Variants in GALR1 observed in about 807,000 individuals in gnomAD.
GALR1 encodes the protein galanin receptor 1.
In GALR1, 11 loss-of-function variants were observed where a neutral mutation model predicts 17.9. The observed-to-expected ratio is 0.62, with a 90% CI of 0.39 to 1.02. GALR1 has a LOEUF of 1.02. Ranked by LOEUF, GALR1 falls within the 50% of genes least tolerant of loss-of-function variation. The probability of loss-of-function intolerance (pLI) is 0.01; values close to 1 mark genes in which losing one functional copy is unlikely to be tolerated. For synonymous variants in GALR1, 206 were observed against 205.7 expected (o/e 1.00, Z -0.01); for missense variants, 441 against 456.9 (o/e 0.97, Z 0.32).
Position 77,276,114 on chromosome 18 carries a change from C to A in GALR1, c.*7212C>A, listed in dbSNP as rs1913153324. On this transcript the variant is annotated 3_prime_UTR_variant, in exon 3 of 3. Transcript: ENST00000299727. ...ATGTTAGTTTTCATATTTTGGTTTTCTAAGAGTCACATTTTATTGCCATAT... is the reference window on the plus strand; with the variant it reads ...ATGTTAGTTTTCATATTTTGGTTTTATAAGAGTCACATTTTATTGCCATAT... 6.6e-6 allele frequency: 1 copy of A among 152,126 alleles called. No homozygotes were observed. Among genetic ancestry groups the A allele is most frequent in the Non-Finnish European group, 1.5e-5 (1 of 68,028 alleles). 9.4% of individuals were successfully genotyped at this position (152,126 alleles called of 1,614,324 possible). A position where few individuals can be genotyped will look rare whatever the true frequency, so the allele number is the denominator to read the frequency against.
chr18:77,250,448 T>C lies in GALR1; in HGVS notation c.-101T>C. ...GAAGCTCAGACTCCTAAACTCGCACTCTCCGTGCTTTGCGCCGGGACCCCT... is the reference window on the plus strand; with the variant it reads ...GAAGCTCAGACTCCTAAACTCGCACCCTCCGTGCTTTGCGCCGGGACCCCT... On this transcript the variant is annotated 5_prime_UTR_variant, in exon 1 of 3. Coordinates refer to ENST00000299727, the MANE Select transcript of GALR1 (RefSeq NM_001480.4). The C allele has an allele frequency of 1.6e-6, 2 of 1,253,272 alleles. No homozygotes were observed. The highest frequency in any genetic ancestry group is 2.1e-6 in the Non-Finnish European group (2 of 956,160). The allele number at this position is 1,253,272 out of a possible 1,614,324, so 77.6% of individuals were successfully genotyped here. A position where few individuals can be genotyped will look rare whatever the true frequency, so the allele number is the denominator to read the frequency against.
In GALR1 at chr18:77,272,734, A is replaced by AACAGG. The variant is rs1599367616; in HGVS notation, c.*3832_*3833insACAGG. The stretch of plus-strand genomic sequence containing the variant: ...CAAGTAGATGTTAATGACTTGTTTA[A>AACAGG]TTATTGACTTACTTATTTTAAAAGC... On this transcript the variant is annotated 3_prime_UTR_variant, in exon 3 of 3. Transcript: ENST00000299727. The AACAGG allele has an allele frequency of 6.6e-6, 1 of 152,250 alleles. No homozygotes were observed. The highest frequency in any genetic ancestry group is 1.9e-4 in the East Asian group (1 of 5,206). The allele number at this position is 152,250 out of a possible 1,614,324, so 9.4% of individuals were successfully genotyped here.
chr18:77,251,564 C>T (rs910401620), intron 1 of GALR1, among the ~76,000 whole-genome samples: 5 of 152,242 alleles, frequency 3.3e-5, no homozygotes, highest in African/African-American at 1.2e-4. Flanking sequence ...GCGGGCGCTG[C>T]CGCATCCTTC....
chr18:77,250,462 G>C lies in GALR1; in HGVS notation c.-87G>C, dbSNP rs988021625. ...TAAACTCGCACTCTCCGTGCTTTGCGCCGGGACCCCTGGCCACCCCCGGCG... is the reference window on the plus strand; with the variant it reads ...TAAACTCGCACTCTCCGTGCTTTGCCCCGGGACCCCTGGCCACCCCCGGCG... On this transcript the variant is annotated 5_prime_UTR_variant, in exon 1 of 3. Coordinates refer to ENST00000299727, the MANE Select transcript of GALR1 (RefSeq NM_001480.4). 1 of 1,336,294 alleles carries C rather than the reference G, an allele frequency of 7.5e-7. No individual in the cohort carries two copies. The highest frequency in any genetic ancestry group is 9.7e-7 in the Non-Finnish European group (1 of 1,030,912). The allele number at this position is 1,336,294 out of a possible 1,614,324, so 82.8% of individuals were successfully genotyped here.
intron 1 of GALR1, among the ~76,000 whole-genome samples, chr18:77,252,638 G>A (rs1944546): frequency 0.72 from 109,764 of 151,864 alleles, 39,835 homozygotes; most frequent in Admixed American, 0.77. Flanking sequence ...ACCTGAGGTC[G>A]GGAATTCGAG....
At position 77,268,535 on chromosome 18, in the gene GALR1, C is replaced by T. The variant is rs757384003; in HGVS notation, c.733-50C>T. The T allele has an allele frequency of 6.2e-6, 8 of 1,290,972 alleles. 1 individual carries two copies. In the East Asian group the frequency reaches 1.2e-4, roughly 19 times the overall value. 80.0% of individuals were successfully genotyped at this position (1,290,972 alleles called of 1,614,324 possible). A position where few individuals can be genotyped will look rare whatever the true frequency, so the allele number is the denominator to read the frequency against. On this transcript the variant is annotated intron_variant, in intron 2 of 2. Transcript: ENST00000299727. ...ATGAATTTCCTTCCTTCTTCTTCTC[C>T]CTTACCGCCTCCTCCTCCTCCTCCT...
intron 2 of GALR1, among the ~76,000 whole-genome samples, chr18:77,258,815 G>T (rs1159319743): frequency 1.9e-5 from 2 of 102,614 alleles, no homozygotes; most frequent in Non-Finnish European, 4.1e-5. Flanking sequence ...GGTGGTCATA[G>T]TGGTGGTGGT....
rs191313549 is a variant in GALR1 at position 77,267,464 on chromosome 18, G to A, written c.733-1121G>A. 1.9e-3 allele frequency among the ~76,000 whole-genome samples: 288 copies of A among 152,292 alleles called. 2 individuals carry two copies. The highest frequency in any genetic ancestry group is 4.4e-3 in the African/African-American group (181 of 41,542). On this transcript the variant is annotated intron_variant, in intron 2 of 2. Transcript: ENST00000299727. ...ATGACAGCATCTGCTTCATAGAGTC[G>A]TAAAGGACATTCGGTGAAATAATGC...
At chr18:77,251,892 C>T (rs1230408597) in intron 1 of GALR1, among the ~76,000 whole-genome samples, 1 of 152,244 alleles carries the variant, frequency 6.6e-6, no homozygotes, top group African/African-American at 2.4e-5. Context: ...TGAAGCTTAG[C>T]TTTGTAAACC....
rs751752274 is a variant in GALR1 at position 77,250,959 on chromosome 18, C to T, written c.411C>T (p.Ile137=). The T allele has an allele frequency of 4.4e-5, 71 of 1,604,004 alleles. No homozygotes were observed. In the Middle Eastern group the frequency reaches 4.9e-4, roughly 11 times the overall value. Residue 137 remains isoleucine (I), a synonymous_variant, in exon 1 of 3, where the codon ATC becomes ATT. Transcript: ENST00000299727. ...TGTCCGTGGACCGCTACGTGGCCAT[C>T]GTGCACTCGCGGCGCTCCTCCTCCC... ...AAMSVDRYVA[I]VHSRRSSSLR...
chr18:77,253,166 A>G (rs545665542), intron 1 of GALR1, among the ~76,000 whole-genome samples: 2 of 152,224 alleles, frequency 1.3e-5, no homozygotes, highest in Admixed American at 6.5e-5. Context: ...GCTATCTTAC[A>G]TAGCACAATT....
In GALR1 at chr18:77,268,731, C is replaced by T. The variant is rs758387946; in HGVS notation, c.879C>T (p.Tyr293=). The change falls in exon 3 of 3, where the codon TAC becomes TAT. Residue 293 remains tyrosine, a synonymous_variant. Transcript: ENST00000299727. ...GAATCACCGCCCACTGCCTGGCGTA[C>T]AGCAATTCCTCCGTGAATCCTATCA... ...LFRITAHCLA[Y]SNSSVNPIIY... 1 of 1,614,186 alleles carries T rather than the reference C, an allele frequency of 6.2e-7. No individual in the cohort carries two copies. The highest frequency in any genetic ancestry group is 8.5e-7 in the Non-Finnish European group (1 of 1,180,040).
In GALR1 at chr18:77,272,061, A is replaced by G. The variant is rs1913076576; in HGVS notation, c.*3159A>G. ...TTTTATTTTACACATTGGGAGTAAA[A>G]CCATTTCCGCCCCATCCCAATCTCT... On this transcript the variant is annotated 3_prime_UTR_variant, in exon 3 of 3. Transcript: ENST00000299727. 6.6e-6 allele frequency: 1 copy of G among 152,104 alleles called. No individual in the cohort carries two copies. The highest frequency in any genetic ancestry group is 2.4e-5 in the African/African-American group (1 of 41,404). The allele number at this position is 152,104 out of a possible 1,614,324, so 9.4% of individuals were successfully genotyped here. A position where few individuals can be genotyped will look rare whatever the true frequency, so the allele number is the denominator to read the frequency against.
chr18:77,252,339 A>G (rs1387243592), intron 1 of GALR1, among the ~76,000 whole-genome samples: 3 of 152,182 alleles, frequency 2.0e-5, no homozygotes. Flanking sequence ...TACCAGTTCC[A>G]CCCGACTTCA....
intron 2 of GALR1, 90 bp from the exon 3 acceptor site, chr18:77,268,495 T>C: frequency 1.2e-6 from 1 of 863,630 alleles, no homozygotes; most frequent in Non-Finnish European, 1.8e-6. Flanking sequence ...CTGGATTCCT[T>C]TTGTGTTGTA....
intron 1 of GALR1, among the ~76,000 whole-genome samples, chr18:77,252,336 T>A (rs893147291): frequency 2.0e-5 from 3 of 152,234 alleles, no homozygotes; most frequent in African/African-American, 7.2e-5. Flanking sequence ...TGTTACCAGT[T>A]CCACCCGACT....
chr18:77,261,632 T>C (rs1912832229), intron 2 of GALR1, among the ~76,000 whole-genome samples: 1 of 150,458 alleles, frequency 6.6e-6, no homozygotes, highest in Admixed American at 6.6e-5. Flanking sequence ...TGTTACTTTC[T>C]GATGTTTCCA....
chr18:77,260,991 A>G (rs1439226690), intron 2 of GALR1, among the ~76,000 whole-genome samples: 1 of 68,818 alleles, frequency 1.5e-5, no homozygotes, highest in Non-Finnish European at 3.0e-5. Context: ...CATTTATACA[A>G]TTTGTGAGGT....
chr18:77,269,025 A>G lies in GALR1; in HGVS notation c.*123A>G. 1.3e-6 allele frequency: 1 copy of G among 747,162 alleles called. No homozygotes were observed. The highest frequency in any genetic ancestry group is 1.8e-5 in the South Asian group (1 of 54,792). 46.3% of individuals were successfully genotyped at this position (747,162 alleles called of 1,614,324 possible). ...CTTAACAAGAATTCAAGTCGTTTTA[A>G]TTAAATCCCACGTGTGTTAAAAAGT... is the stretch of plus-strand genomic sequence containing the variant. On this transcript the variant is annotated 3_prime_UTR_variant, in exon 3 of 3. Coordinates refer to ENST00000299727, the MANE Select transcript of GALR1 (RefSeq NM_001480.4).
Sources: allele counts gnomAD v4.1 joint callset (sites outside exome capture counted in the v4.1 genomes callset), GRCh38; gene constraint gnomAD v4.1.1; transcripts MANE v1.5; gene names NCBI Gene and HGNC (gene_info 2026-07-23, HGNC 2026-07-21).